The following YY1AP1 variants were observed in gnomAD, a reference collection of about 807,000 sequenced individuals.
YY1AP1 encodes the protein YY1 associated protein 1, also known as YY1-associated protein 1.
In YY1AP1, 43 loss-of-function variants were observed where a neutral mutation model predicts 39.9. The observed-to-expected ratio is 1.08, with a 90% confidence interval of 0.84 to 1.39. YY1AP1 has a LOEUF of 1.39. Ranked by LOEUF, YY1AP1 falls within the 40% of genes most tolerant of loss-of-function variation. YY1AP1 has a pLI of 0.00. For missense variants in YY1AP1, 813 were observed against 900.7 expected, an observed-to-expected ratio of 0.90 and a Z score of 1.25; for synonymous variants, 292 against 331.3, an observed-to-expected ratio of 0.88 and a Z score of 1.29.
chr1:155,688,295 TC>T (rs1558323175), intron 1 of YY1AP1, 94 bp from the exon 2 acceptor site: 1 of 1,571,548 alleles, frequency 6.4e-7, no homozygotes, highest in Admixed American at 1.9e-5. Context: ...TGGGATCGTT[TC>T]CCCTCGCAAA....
chr1:155,662,478 T>C (rs1648311345), intron 9 of YY1AP1, among the ~76,000 whole-genome samples: 1 of 151,236 alleles, frequency 6.6e-6, no homozygotes, highest in Non-Finnish European at 1.5e-5. Flanking sequence ...CACTCCAGCG[T>C]TGGTAACAGG....
intron 9 of YY1AP1, among the ~76,000 whole-genome samples, chr1:155,665,639 G>A (rs796607408): frequency 1.2e-4 from 18 of 150,840 alleles, no homozygotes; most frequent in African/African-American, 3.9e-4. Flanking sequence ...AAGGCCAGGC[G>A]TGGTGTCTCA....
chr1:155,676,336 A>G (rs780926328), intron 5 of YY1AP1, among the ~76,000 whole-genome samples: 11 of 152,200 alleles, frequency 7.2e-5, no homozygotes, highest in Non-Finnish European at 1.6e-4. Flanking sequence ...TCCGAATACC[A>G]TTAGGGTCCT....
intron 2 of YY1AP1, among the ~76,000 whole-genome samples, chr1:155,681,032 A>ATT (rs751422152): frequency 3.5e-5 from 5 of 142,964 alleles, no homozygotes; most frequent in South Asian, 2.2e-4. Flanking sequence ...GAGCTAGATG[A>ATT]TTTTTTTTTT....
chr1:155,684,810 T>G (rs1651999704), intron 2 of YY1AP1, among the ~76,000 whole-genome samples: 1 of 152,170 alleles, frequency 6.6e-6, no homozygotes, highest in African/African-American at 2.4e-5. Flanking sequence ...GGTCTCGATC[T>G]TCTGAGCTCT....
intron 9 of YY1AP1, among the ~76,000 whole-genome samples, chr1:155,662,603 C>T (rs1648334127): frequency 6.6e-6 from 1 of 152,156 alleles, no homozygotes; most frequent in South Asian, 2.1e-4. Flanking sequence ...ATCCTAGGCA[C>T]TGTGCTAAAA....
At chr1:155,664,134 A>AG (rs1204627843) in intron 9 of YY1AP1, among the ~76,000 whole-genome samples, 2 of 152,130 alleles carry the variant, frequency 1.3e-5, no homozygotes, top group African/African-American at 4.8e-5. Flanking sequence ...GGAAAAAAAA[A>AG]AAAAAAGTTA....
chr1:155,659,512 G>A lies in YY1AP1; in HGVS notation c.*145C>T. On this transcript the variant is annotated 3_prime_UTR_variant, in exon 11 of 11. Transcript: ENST00000355499. ...AAGTATATTCCACAGAGTGGGAGCAGGCTAAAGCAAGCTGCTCAAGAGCCC... is the reference window on the plus strand; with the variant it reads ...AAGTATATTCCACAGAGTGGGAGCAAGCTAAAGCAAGCTGCTCAAGAGCCC... 1 of 771,256 alleles carries A rather than the reference G, an allele frequency of 1.3e-6. No homozygotes were observed. Among genetic ancestry groups the A allele is most frequent in the Non-Finnish European group, 2.2e-6 (1 of 465,052 alleles). 47.8% of individuals were successfully genotyped at this position (771,256 alleles called of 1,614,324 possible).
chr1:155,686,026 CTTTTTTTTTTTTTTT>C (rs768966023), intron 2 of YY1AP1, among the ~76,000 whole-genome samples: 1 of 76,338 alleles, frequency 1.3e-5, no homozygotes, highest in Non-Finnish European at 2.4e-5. Context: ...TGAAATCAGT[CTTTTTTTTTTTTTTT>C]TTTTTTTTTT....
chr1:155,667,988 A>T (rs1235476680), intron 9 of YY1AP1, among the ~76,000 whole-genome samples: 1 of 151,928 alleles, frequency 6.6e-6, no homozygotes, highest in Non-Finnish European at 1.5e-5. Flanking sequence ...ATACATGCAT[A>T]CATACAAACA....
intron 2 of YY1AP1, among the ~76,000 whole-genome samples, chr1:155,681,709 C>T (rs993567100): frequency 2.0e-5 from 3 of 152,146 alleles, no homozygotes; most frequent in African/African-American, 7.2e-5. Context: ...ACATACTTAA[C>T]AAATCTGTAG....
intron 9 of YY1AP1, among the ~76,000 whole-genome samples, chr1:155,666,792 G>C (rs1333069496): frequency 6.6e-6 from 1 of 152,130 alleles, no homozygotes; most frequent in African/African-American, 2.4e-5. Context: ...CTGAGATCAG[G>C]AGTTCAAGAT....
rs572227414 is a variant in YY1AP1 at position 155,661,893 on chromosome 1, T to C, written c.880-470A>G. Among the ~76,000 whole-genome samples the C allele has an allele frequency of 2.0e-5, 3 of 152,236 alleles. No individual in the cohort carries two copies. In the South Asian group the frequency reaches 6.2e-4, roughly 32 times the overall value. On this transcript the variant is annotated intron_variant, in intron 9 of 10. Transcript: ENST00000355499. The stretch of plus-strand genomic sequence containing the variant: ...GGATGGTCTCGATCTCCTGACCTCG[T>C]GATCCACCCGCCTCGGCCTCCCAAA...
intron 7 of YY1AP1, among the ~76,000 whole-genome samples, chr1:155,671,665 C>G (rs1649883665): frequency 6.6e-6 from 1 of 152,136 alleles, no homozygotes; most frequent in Non-Finnish European, 1.5e-5. Flanking sequence ...AGAGACAAAA[C>G]TACTATATCC....
chr1:155,682,946 C>T (rs969111538), intron 2 of YY1AP1, among the ~76,000 whole-genome samples: 1 of 151,776 alleles, frequency 6.6e-6, no homozygotes, highest in African/African-American at 2.4e-5. Context: ...ATTAGCCTAG[C>T]GTGGTGGCTA....
chr1:155,678,038 ACAGT>A (rs1650975416), intron 4 of YY1AP1, among the ~76,000 whole-genome samples: 1 of 152,212 alleles, frequency 6.6e-6, no homozygotes, highest in African/African-American at 2.4e-5. Flanking sequence ...CTGCCCAAGT[ACAGT>A]CATGCGCCAC....
chr1:155,672,293 A>C (rs907082236), intron 7 of YY1AP1: 21 of 532,070 alleles, frequency 3.9e-5, no homozygotes, highest in Non-Finnish European at 6.5e-5. Context: ...CTGTAGTCCA[A>C]TTCTTAGCAC....
At chr1:155,688,290 TC>T (rs757001783) in intron 1 of YY1AP1, 89 bp from the exon 2 acceptor site, 2 of 1,577,040 alleles carry the variant, frequency 1.3e-6, no homozygotes, top group Non-Finnish European at 1.7e-6. Flanking sequence ...GACACTGGGA[TC>T]GTTTCCCCTC....
intron 5 of YY1AP1, among the ~76,000 whole-genome samples, chr1:155,676,234 A>T (rs984197275): frequency 3.3e-5 from 5 of 151,928 alleles, no homozygotes; most frequent in African/African-American, 2.4e-5. Flanking sequence ...AAAAAAAAGA[A>T]AAAAGAAAAG....
Sources: allele counts gnomAD v4.1 joint callset (sites outside exome capture counted in the v4.1 genomes callset), GRCh38; gene constraint gnomAD v4.1.1; transcripts MANE v1.5; gene names NCBI Gene and HGNC (gene_info 2026-07-23, HGNC 2026-07-21).